PTPRN2: variants seen among roughly 807,000 people sequenced by gnomAD.
The protein encoded by PTPRN2 is receptor-type tyrosine-protein phosphatase N2.
A neutral mutation model predicts 118.8 loss-of-function variants in PTPRN2; 74 were observed. That is an observed-to-expected ratio of 0.62 (90% CI 0.52 to 0.76). PTPRN2 has a LOEUF of 0.76. PTPRN2 is among the 30% of genes least tolerant of loss of function. The probability of loss-of-function intolerance (pLI) is 0.00; values close to 1 mark genes in which losing one functional copy is unlikely to be tolerated. For missense variants in PTPRN2, 1,481 were observed against 1,394.4 expected, an observed-to-expected ratio of 1.06 and a Z score of -0.99; for synonymous variants, 641 against 608.0, an observed-to-expected ratio of 1.05 and a Z score of -0.80.
At chr7:158,317,070 T>C (rs1802394296) in intron 2 of PTPRN2, 138 bp from the exon 3 acceptor site, 1 of 608,798 alleles carries the variant, frequency 1.6e-6, no homozygotes, top group Admixed American at 3.5e-5. Flanking sequence ...CAGAGGGCTG[T>C]TAGGACCCGG....
chr7:158,573,117 A>G (rs1168603568), intron 1 of PTPRN2, among the ~76,000 whole-genome samples: 1 of 152,164 alleles, frequency 6.6e-6, no homozygotes, highest in Non-Finnish European at 1.5e-5. Flanking sequence ...TTCTTCCCTC[A>G]TTTTACTTTT....
intron 11 of PTPRN2, among the ~76,000 whole-genome samples, chr7:157,984,270 C>CTAT (rs1554507046): frequency 2.1e-4 from 2 of 9,380 alleles, no homozygotes; most frequent in Non-Finnish European, 5.2e-4. Context: ...AGGCTCCACC[C>CTAT]CCCACGCCAG....
chr7:158,151,853 T>A (rs958918857), intron 6 of PTPRN2, among the ~76,000 whole-genome samples: 4 of 152,202 alleles, frequency 2.6e-5, no homozygotes, highest in Non-Finnish European at 5.9e-5. Context: ...CTTCCATCTA[T>A]GTTAGAAGGA....
intron 3 of PTPRN2, among the ~76,000 whole-genome samples, chr7:158,248,033 T>G (rs1796373281): frequency 1.3e-5 from 2 of 152,146 alleles, no homozygotes; most frequent in African/African-American, 4.8e-5. Flanking sequence ...TCTCATAAAA[T>G]CACAGCACAT....
chr7:157,663,688 G>C lies in PTPRN2; in HGVS notation c.2002-7137C>G, dbSNP rs1796004672. 3.3e-5 allele frequency among the ~76,000 whole-genome samples: 5 copies of C among 152,332 alleles called. No individual in the cohort carries two copies. The South Asian group carries it at 1.0e-3, about 32-fold the overall frequency. On this transcript the variant is annotated intron_variant, in intron 13 of 22. Transcript: ENST00000389418. ...GACACTCTTGGGAATCTCCAGACGT[G>C]GGGGAAGCCAGGAAGGAGCCTGGAT...
At chr7:158,157,423 T>A (rs888144581) in intron 6 of PTPRN2, among the ~76,000 whole-genome samples, 2 of 152,244 alleles carry the variant, frequency 1.3e-5, no homozygotes, top group Non-Finnish European at 2.9e-5. Context: ...GCAGAGTCTG[T>A]AAGGACATCA....
intron 2 of PTPRN2, among the ~76,000 whole-genome samples, chr7:158,395,313 G>GAGGGGCCAGGGGCCAGGGGCGAGGGGCC (rs1812288236): frequency 8.5e-6 from 1 of 117,078 alleles, no homozygotes; most frequent in Non-Finnish European, 1.8e-5. Context: ...GGCGAGGGGT[G>GAGGGGCCAGGGGCCAGGGGCGAGGGGCC]AGGGGCGAGG....
intron 15 of PTPRN2, among the ~76,000 whole-genome samples, chr7:157,604,420 C>A (rs1001337351): frequency 6.6e-6 from 1 of 152,222 alleles, no homozygotes; most frequent in Non-Finnish European, 1.5e-5. Context: ...ACAAAGCTCC[C>A]GCTCAGCAGA....
In PTPRN2 at chr7:157,595,213, G is replaced by A. The variant is rs770635533; in HGVS notation, c.2496+25C>T. ...TATTGAGATCTTCTTTTCAGAAAGA[G>A]AGATTTTAATTTAAAAATGTTCACC... On this transcript the variant is annotated intron_variant, in intron 17 of 22. Transcript: ENST00000389418. The A allele has an allele frequency of 3.7e-6, 6 of 1,608,270 alleles. No homozygotes were observed. In the South Asian group the frequency reaches 5.5e-5, roughly 15 times the overall value.
intron 14 of PTPRN2, among the ~76,000 whole-genome samples, chr7:157,636,410 TA>T (rs1419568794): frequency 3.3e-5 from 5 of 152,060 alleles, no homozygotes; most frequent in Admixed American, 6.5e-5. Flanking sequence ...TACAGACAGT[TA>T]AAAAAAACAA....
chr7:158,105,979 TC>T (rs1331609878), intron 10 of PTPRN2, among the ~76,000 whole-genome samples: 3 of 151,642 alleles, frequency 2.0e-5, no homozygotes, highest in Non-Finnish European at 4.4e-5. Context: ...TCCAGTTCCA[TC>T]CCCTCCTTCA....
At chr7:157,942,527 C>A (rs966331115) in intron 11 of PTPRN2, among the ~76,000 whole-genome samples, 1 of 152,032 alleles carries the variant, frequency 6.6e-6, no homozygotes. Flanking sequence ...CAAATGAGTT[C>A]TTTTTCAGAT....
chr7:157,692,263 G>GC (rs1229697320), intron 12 of PTPRN2, among the ~76,000 whole-genome samples: 14 of 151,996 alleles, frequency 9.2e-5, no homozygotes, highest in African/African-American at 3.4e-4. Context: ...CCCGCTCCCG[G>GC]CCCCTCCGGG....
Position 157,992,157 on chromosome 7 carries a change from C to G in PTPRN2, c.1723+89141G>C, listed in dbSNP as rs755940756. Among the ~76,000 whole-genome samples, 8 of 152,370 alleles carry G rather than the reference C, an allele frequency of 5.3e-5. No individual in the cohort carries two copies. In the South Asian group the frequency reaches 6.2e-4, roughly 12 times the overall value. ...CACTTTTTAATTATATCATCTAATA[C>G]ATGGAAAATTGTGTATCACTACTGT... is the stretch of plus-strand genomic sequence containing the variant. On this transcript the variant is annotated intron_variant, in intron 11 of 22. Transcript: ENST00000389418.
intron 12 of PTPRN2, among the ~76,000 whole-genome samples, chr7:157,850,807 C>A (rs1809221559): frequency 6.6e-6 from 1 of 152,168 alleles, no homozygotes; most frequent in Admixed American, 6.5e-5. Flanking sequence ...CGGGAGAAAC[C>A]AACTTTAAAT....
At chr7:157,575,850 C>G (rs750515007) in intron 19 of PTPRN2, among the ~76,000 whole-genome samples, 2 of 152,204 alleles carry the variant, frequency 1.3e-5, no homozygotes, top group African/African-American at 2.4e-5. Flanking sequence ...AAATGTAAGA[C>G]ATATTCTATA....
chr7:158,059,321 C>A (rs1810104122), intron 11 of PTPRN2, among the ~76,000 whole-genome samples: 2 of 137,140 alleles, frequency 1.5e-5, no homozygotes, highest in Non-Finnish European at 3.0e-5. Flanking sequence ...CATCTGCACA[C>A]AGTGACGCAT....
chr7:158,007,280 C>T (rs562207714), intron 11 of PTPRN2, among the ~76,000 whole-genome samples: 28 of 152,306 alleles, frequency 1.8e-4, no homozygotes, highest in African/African-American at 6.3e-4. Context: ...GGTGGAGCTG[C>T]GGCAGTGCGG....
At chr7:158,056,705 T>C (rs981204353) in intron 11 of PTPRN2, among the ~76,000 whole-genome samples, 2 of 152,200 alleles carry the variant, frequency 1.3e-5, no homozygotes, top group Non-Finnish European at 2.9e-5. Context: ...AGCTACATTT[T>C]GCCAATGCTT....
Sources: gnomAD v4.1 joint callset for allele counts (sites outside exome capture counted in the v4.1 genomes callset) on GRCh38, gnomAD v4.1.1 for gene constraint, MANE v1.5 for transcripts, NCBI Gene and HGNC (gene_info 2026-07-23, HGNC 2026-07-21) for gene names.